The following ORC3 variants were observed in gnomAD, a reference collection of about 807,000 sequenced individuals.
ORC3 encodes the protein homolog of latheo, Drosophila.
ORC3 carries 78 observed loss-of-function variants against 100.7 expected under a neutral mutation model. That is an observed-to-expected ratio of 0.77 (90% CI 0.65 to 0.94). ORC3 has a LOEUF of 0.94. ORC3 is among the 40% of genes least tolerant of loss of function. The pLI, the probability that ORC3 is intolerant of heterozygous loss-of-function variation, is 0.00. For missense variants in ORC3, 789 were observed against 823.9 expected (o/e 0.96, Z 0.52); for synonymous variants, 295 against 289.3 (o/e 1.02, Z -0.20).
At chr6:87,604,998 G>A (rs1778226350) in intron 4 of ORC3, among the ~76,000 whole-genome samples, 3 of 152,152 alleles carry the variant, frequency 2.0e-5, no homozygotes, top group Admixed American at 2.0e-4. Context: ...TGACTTTCTA[G>A]AAATCACAGA....
intron 1 of ORC3, among the ~76,000 whole-genome samples, chr6:87,591,449 A>G (rs16879596): frequency 0.071 from 10,744 of 152,310 alleles, 409 homozygotes; most frequent in East Asian, 0.095. Context: ...CCTGGGGTTT[A>G]AGGTTATGCT....
chr6:87,671,689 G>A (rs1467369023), downstream of ORC3, among the ~76,000 whole-genome samples: 1 of 152,156 alleles, frequency 6.6e-6, no homozygotes, highest in Non-Finnish European at 1.5e-5. Flanking sequence ...AGCAAGTGTA[G>A]TATTTTGCAA....
chr6:87,601,889 C>T lies in ORC3; in HGVS notation c.177+8C>T. ...ATGAAATCTGAAAATGAGGTGAATA[C>T]TTTTTTTAATAATTTTCTGTAACAC... On this transcript the variant is annotated splice_region_variant and intron_variant, in intron 3 of 19. Coordinates refer to ENST00000392844, the MANE Select transcript of ORC3 (RefSeq NM_012381.4). 3 of 1,508,020 alleles carry T rather than the reference C, an allele frequency of 2.0e-6. No homozygotes were observed. Among genetic ancestry groups the T allele is most frequent in the Non-Finnish European group, 2.8e-6 (3 of 1,084,518 alleles). 93.4% of individuals were successfully genotyped at this position (1,508,020 alleles called of 1,614,324 possible).
chr6:87,618,777 T>G (rs1381268752), intron 9 of ORC3, among the ~76,000 whole-genome samples: 1 of 152,064 alleles, frequency 6.6e-6, no homozygotes, highest in African/African-American at 2.4e-5. Flanking sequence ...TTCTGTTGTT[T>G]TTTTTTTTCT....
At chr6:87,676,431 A>C in the ORC3 span, among the ~76,000 whole-genome samples, 1 of 101,358 alleles carries the variant, frequency 9.9e-6, no homozygotes, top group Non-Finnish European at 1.9e-5. Context: ...GCGCCACTGC[A>C]CTCCAGCCTG....
rs775418594 is a variant in ORC3 at position 87,621,485 on chromosome 6, G to A, written c.1119G>A (p.Arg373=). The change falls in exon 10 of 20, where the codon AGG becomes AGA. Residue 373 remains arginine, a splice_region_variant and synonymous_variant. Transcript: ENST00000392844. The part of the protein sequence containing the change: ...CENIRRLPSF[R]RYVEKQASEK... ...ACATCCGACGTCTACCATCTTTTAG[G>A]AGGTAAAAAGAGAAGTACATGTTTA... 3 of 1,576,552 alleles carry A rather than the reference G, an allele frequency of 1.9e-6. No homozygotes were observed. The highest frequency in any genetic ancestry group is 2.6e-6 in the Non-Finnish European group (3 of 1,164,884).
chr6:87,639,472 TC>T (rs577624830), intron 13 of ORC3, among the ~76,000 whole-genome samples: 14 of 152,158 alleles, frequency 9.2e-5, no homozygotes, highest in Admixed American at 5.9e-4. Context: ...GTTGCATTCC[TC>T]CCCCCAATTT....
chr6:87,675,427 G>A, the ORC3 span: 1 of 823,510 alleles, frequency 1.2e-6, no homozygotes, highest in Non-Finnish European at 2.0e-6. Context: ...ACTGACATCA[G>A]GGAAATTTCC....
At chr6:87,596,410 G>C (rs1331211393) in intron 2 of ORC3, among the ~76,000 whole-genome samples, 1 of 151,622 alleles carries the variant, frequency 6.6e-6, no homozygotes, top group South Asian at 2.1e-4. Context: ...TAGGATTACA[G>C]GTGTGAGTCA....
chr6:87,605,673 A>G (rs1778281537), intron 4 of ORC3, among the ~76,000 whole-genome samples: 1 of 152,004 alleles, frequency 6.6e-6, no homozygotes, highest in Non-Finnish European at 1.5e-5. Flanking sequence ...AGAAGCTTTC[A>G]AGTGCACATC....
At chr6:87,668,985 AAAAAT>A (rs1376177415), downstream of ORC3, among the ~76,000 whole-genome samples, 17 of 151,994 alleles carry the variant, frequency 1.1e-4, no homozygotes, top group Non-Finnish European at 1.9e-4. Flanking sequence ...TCTGTATCAA[AAAAAT>A]AAAATAAAAA....
intron 13 of ORC3, among the ~76,000 whole-genome samples, chr6:87,649,201 C>G (rs1481189583): frequency 6.6e-6 from 1 of 152,032 alleles, no homozygotes; most frequent in Non-Finnish European, 1.5e-5. Flanking sequence ...AATTCTGATA[C>G]CCAGTATCTT....
intron 13 of ORC3, among the ~76,000 whole-genome samples, chr6:87,641,899 G>A (rs1345419464): frequency 2.6e-5 from 4 of 152,110 alleles, no homozygotes; most frequent in Non-Finnish European, 4.4e-5. Flanking sequence ...GATCTACTTA[G>A]GAAAAATGAC....
At chr6:87,676,817 C>T in the ORC3 span, among the ~76,000 whole-genome samples, 2 of 151,214 alleles carry the variant, frequency 1.3e-5, no homozygotes, top group African/African-American at 4.9e-5. Flanking sequence ...TGGCTTACGC[C>T]TGTAATCCCA....
At position 87,667,110 on chromosome 6, in the gene ORC3, G is replaced by A. The variant is rs998630524; in HGVS notation, c.2123G>A (p.Trp708Ter). 5.0e-6 allele frequency: 8 copies of A among 1,599,384 alleles called. No individual in the cohort carries two copies. The highest frequency in any genetic ancestry group is 2.7e-5 in the African/African-American group (2 of 74,354). Residue 708 changes from tryptophan (W) to a stop codon, truncating the protein, a stop_gained, in exon 20 of 20, where the codon TGG becomes TAG. Transcript: ENST00000392844. LOFTEE classifies it high-confidence loss of function. The stretch of plus-strand genomic sequence containing the variant: ...ACTGACCATGTGGCAAGACTAACAT[G>A]GGGAGGCTGCTAGAAAGCAAATAAG... Reference protein sequence around the residue: ...QKTDHVARLTWGGC With the variant: ...QKTDHVARLT
chr6:87,602,494 T>C (rs1325421303), intron 3 of ORC3, among the ~76,000 whole-genome samples: 1 of 148,312 alleles, frequency 6.7e-6, no homozygotes, highest in East Asian at 2.0e-4. Context: ...GCCAACACAG[T>C]GTTGTAGTTT....
chr6:87,674,599 G>A, the ORC3 span, among the ~76,000 whole-genome samples: 1 of 144,806 alleles, frequency 6.9e-6, no homozygotes, highest in African/African-American at 2.7e-5. Context: ...CATTCTATCA[G>A]GCAGTAAGTT....
chr6:87,599,020 A>T (rs1355436527), intron 2 of ORC3, among the ~76,000 whole-genome samples: 2 of 152,226 alleles, frequency 1.3e-5, no homozygotes, highest in Non-Finnish European at 2.9e-5. Context: ...GGAGATACCC[A>T]CACTGAAGTA....
chr6:87,639,097 A>G (rs185656446), intron 13 of ORC3, among the ~76,000 whole-genome samples: 5 of 152,272 alleles, frequency 3.3e-5, no homozygotes, highest in Admixed American at 2.6e-4. Flanking sequence ...GTGTTTAGAC[A>G]TGCATCCCAT....
Sources: allele counts gnomAD v4.1 joint callset (sites outside exome capture counted in the v4.1 genomes callset), GRCh38; gene constraint gnomAD v4.1.1; transcripts MANE v1.5; gene names NCBI Gene and HGNC (gene_info 2026-07-23, HGNC 2026-07-21).